ACOT7: variants seen among roughly 807,000 people sequenced by gnomAD.
The protein encoded by ACOT7 is cytosolic acyl coenzyme A thioester hydrolase.
Under a neutral mutation model 40.2 loss-of-function variants are expected in ACOT7, and 12 were observed. The ratio of observed to expected loss-of-function variants is 0.30; its 90% CI spans 0.19 to 0.48. The LOEUF is 0.48. Among genes scored for constraint, ACOT7 ranks in the 20% least tolerant of loss-of-function variants. The pLI is 0.99. For synonymous variants in ACOT7, 228 were observed against 219.5 expected, an observed-to-expected ratio of 1.04 and a Z score of -0.34; for missense variants, 395 against 530.8, an observed-to-expected ratio of 0.74 and a Z score of 2.51.
At chr1:6,336,333 CAAAA>C (rs3029068) in intron 3 of ACOT7, among the ~76,000 whole-genome samples, 6 of 52,770 alleles carry the variant, frequency 1.1e-4, no homozygotes, top group South Asian at 7.1e-4. Context: ...GACTCGGTCT[CAAAA>C]AAAAAAAAAA....
At chr1:6,366,086 G>T (rs1191312466) in intron 1 of ACOT7, among the ~76,000 whole-genome samples, 1 of 151,824 alleles carries the variant, frequency 6.6e-6, no homozygotes, top group African/African-American at 2.4e-5. Context: ...AGTAGAGACA[G>T]GGTCTCACTA....
chr1:6,323,507 C>G (rs1384779797), intron 5 of ACOT7, among the ~76,000 whole-genome samples: 1 of 152,016 alleles, frequency 6.6e-6, no homozygotes, highest in African/African-American at 2.4e-5. Context: ...CGCCTGAGGT[C>G]AGGAGTTCGA....
At chr1:6,334,827 C>T (rs907437697) in intron 3 of ACOT7, among the ~76,000 whole-genome samples, 1 of 152,342 alleles carries the variant, frequency 6.6e-6, no homozygotes, top group South Asian at 2.1e-4. Flanking sequence ...CAGGGTCACA[C>T]AGCAACTTGG....
At chr1:6,315,947 C>T (rs549985582) in intron 6 of ACOT7, among the ~76,000 whole-genome samples, 1 of 152,200 alleles carries the variant, frequency 6.6e-6, no homozygotes, top group Non-Finnish European at 1.5e-5. Flanking sequence ...TGACATGCTG[C>T]GGACTTCCAA....
chr1:6,300,624 G>C, intron 6 of ACOT7, among the ~76,000 whole-genome samples: 1 of 133,272 alleles, frequency 7.5e-6, no homozygotes, highest in South Asian at 2.5e-4. Context: ...ACCCGATCCT[G>C]ACGCGTGGCC....
At chr1:6,277,591 TAC>T (rs952092461) in intron 8 of ACOT7, among the ~76,000 whole-genome samples, 7 of 152,362 alleles carry the variant, frequency 4.6e-5, no homozygotes, top group African/African-American at 1.7e-4. Flanking sequence ...GCTCCCCCGT[TAC>T]AGACAGTGGC....
At chr1:6,373,248 G>T (rs1049940248) in intron 1 of ACOT7, among the ~76,000 whole-genome samples, 1 of 151,656 alleles carries the variant, frequency 6.6e-6, no homozygotes, top group Non-Finnish European at 1.5e-5. Context: ...ATGCAGGGTT[G>T]CCACAAACTT....
chr1:6,373,952 C>T (rs1642179055), intron 1 of ACOT7, among the ~76,000 whole-genome samples: 1 of 151,828 alleles, frequency 6.6e-6, no homozygotes, highest in Non-Finnish European at 1.5e-5. Flanking sequence ...AAACTGAATA[C>T]TTTCCATATG....
chr1:6,340,212 C>T (rs1227431984), intron 2 of ACOT7, among the ~76,000 whole-genome samples: 1 of 152,030 alleles, frequency 6.6e-6, no homozygotes, highest in Non-Finnish European at 1.5e-5. Context: ...GTGATCCGCC[C>T]GCCTCGGCCT....
chr1:6,302,383 A>T (rs1240876739), intron 6 of ACOT7, among the ~76,000 whole-genome samples: 1 of 152,112 alleles, frequency 6.6e-6, no homozygotes, highest in Non-Finnish European at 1.5e-5. Context: ...AAACACTTAG[A>T]ACGGTCCAAA....
At chr1:6,286,060 C>G (rs1639494961) in intron 7 of ACOT7, among the ~76,000 whole-genome samples, 1 of 152,228 alleles carries the variant, frequency 6.6e-6, no homozygotes, top group South Asian at 2.1e-4. Context: ...CATAACAAGG[C>G]AGCCAAGACT....
At chr1:6,269,375 C>T (rs894624779) in intron 8 of ACOT7, among the ~76,000 whole-genome samples, 1 of 152,220 alleles carries the variant, frequency 6.6e-6, no homozygotes, top group Non-Finnish European at 1.5e-5. Context: ...AGCCTAGGAG[C>T]ACTTGCTGAG....
chr1:6,355,009 G>A lies in ACOT7; in HGVS notation c.144-5143C>T, dbSNP rs1238044726. Reference sequence around the variant, plus strand: ...GAATAAAGACTCAATCTCCTAGTAAGGCATCTGGAGCTCTCAGGGATTGGG... The same window carrying A: ...GAATAAAGACTCAATCTCCTAGTAAAGCATCTGGAGCTCTCAGGGATTGGG... On this transcript the variant is annotated intron_variant, in intron 1 of 8. Coordinates refer to ENST00000361521, the MANE Select transcript of ACOT7 (RefSeq NM_007274.4). The surrounding 1 kb of genome is among the most constrained non-coding windows in gnomAD (Gnocchi z 5.0). 6.6e-6 allele frequency among the ~76,000 whole-genome samples: 1 copy of A among 151,978 alleles called. No homozygotes were observed. Among genetic ancestry groups the A allele is most frequent in the Non-Finnish European group, 1.5e-5 (1 of 67,998 alleles).
intron 1 of ACOT7, among the ~76,000 whole-genome samples, chr1:6,370,486 AT>A (rs1005076184): frequency 2.0e-5 from 3 of 146,904 alleles, no homozygotes; most frequent in South Asian, 2.1e-4. Flanking sequence ...TATTATTATT[AT>A]TATTATTATT....
intron 2 of ACOT7, among the ~76,000 whole-genome samples, chr1:6,340,426 A>C (rs535899359): frequency 6.6e-6 from 1 of 152,340 alleles, no homozygotes; most frequent in African/African-American, 2.4e-5. Context: ...TTATTTGCTT[A>C]ATATAAAGTG....
chr1:6,274,504 G>T lies in ACOT7; in HGVS notation c.1014+6598C>A, dbSNP rs1323318119. On this transcript the variant is annotated intron_variant, in intron 8 of 8. Coordinates refer to ENST00000361521, the MANE Select transcript of ACOT7 (RefSeq NM_007274.4). The surrounding 1 kb of genome is among the most constrained non-coding windows in gnomAD (Gnocchi z 5.9). ...CACGCTGTCCTCTCGGCTGGCGCGG[G>T]GCTTACCCGGCCCCTGCACTCATGC... 5.3e-5 allele frequency among the ~76,000 whole-genome samples: 8 copies of T among 152,206 alleles called. No homozygotes were observed. The South Asian group carries it at 6.2e-4, about 12-fold the overall frequency.
At chr1:6,270,807 T>G (rs1400525051) in intron 8 of ACOT7, among the ~76,000 whole-genome samples, 2 of 152,212 alleles carry the variant, frequency 1.3e-5, no homozygotes, top group African/African-American at 4.8e-5. Flanking sequence ...TGAGGCCAAG[T>G]GCAGCCTGGG....
intron 6 of ACOT7, among the ~76,000 whole-genome samples, chr1:6,310,421 G>T (rs537961710): frequency 6.6e-6 from 1 of 152,350 alleles, no homozygotes; most frequent in Non-Finnish European, 1.5e-5. Flanking sequence ...CCACCAGCGT[G>T]GGAGGATGAA....
intron 1 of ACOT7, among the ~76,000 whole-genome samples, chr1:6,385,265 A>C (rs984835407): frequency 6.6e-6 from 1 of 151,766 alleles, no homozygotes; most frequent in African/African-American, 2.4e-5. Context: ...ACCTCCTCCA[A>C]CAAAGCCCGG....
Sources: gnomAD v4.1 joint callset for allele counts (sites outside exome capture counted in the v4.1 genomes callset) on GRCh38, gnomAD v4.1.1 for gene constraint, Gnocchi (gnomAD v3.1) non-coding constraint, MANE v1.5 for transcripts, NCBI Gene and HGNC (gene_info 2026-07-23, HGNC 2026-07-21) for gene names.